The following ZBTB40 variants were observed in gnomAD, a reference collection of about 807,000 sequenced individuals.
ZBTB40 encodes the protein zinc finger and BTB domain-containing protein 40.
A neutral mutation model predicts 117.5 loss-of-function variants in ZBTB40; 60 were observed. That is an observed-to-expected ratio of 0.51 (90% CI 0.41 to 0.63). The LOEUF (loss-of-function observed/expected upper bound fraction) is 0.63, where lower values mean the gene tolerates loss of function less well. Among genes scored for constraint, ZBTB40 ranks in the 30% least tolerant of loss-of-function variants. ZBTB40 has a pLI of 0.00. For missense variants in ZBTB40, 1,287 were observed against 1,498.5 expected (o/e 0.86, Z 2.33); for synonymous variants, 525 against 577.1 (o/e 0.91, Z 1.29).
In ZBTB40 at chr1:22,528,529, C is replaced by T. The variant is rs911667547; in HGVS notation, c.*2133C>T. 5.3e-5 allele frequency: 8 copies of T among 152,210 alleles called. No homozygotes were observed. The highest frequency in any genetic ancestry group is 1.2e-4 in the Non-Finnish European group (8 of 68,022). 9.4% of individuals were successfully genotyped at this position (152,210 alleles called of 1,614,324 possible). A position where few individuals can be genotyped will look rare whatever the true frequency, so the allele number is the denominator to read the frequency against. On this transcript the variant is annotated 3_prime_UTR_variant, in exon 18 of 18. Transcript: ENST00000375647. ...CCTTTCAAGCACTGAGAAATTCTTT[C>T]TCAGGTTTCTTTTTTTGGGGGAGAC...
chr1:22,481,052 G>A (rs181086777), intron 1 of ZBTB40, among the ~76,000 whole-genome samples: 29 of 152,226 alleles, frequency 1.9e-4, no homozygotes, highest in African/African-American at 5.8e-4. Flanking sequence ...TGAAACCCCT[G>A]TAGGCCACCA....
Position 22,501,984 on chromosome 1 carries a change from C to T in ZBTB40, c.1024+300C>T, listed in dbSNP as rs373388319. 7.1e-4 allele frequency among the ~76,000 whole-genome samples: 108 copies of T among 152,290 alleles called. 2 individuals carry two copies. In the South Asian group the frequency reaches 0.02, roughly 28 times the overall value. On this transcript the variant is annotated intron_variant, in intron 4 of 17. Transcript: ENST00000375647. ...CTTGAGTACCCAGGTTGGACTGGTT[C>T]GCTGACAGCACTTTAAGGCTGAAGT...
chr1:22,441,764 T>C (rs1306251872), intron 1 of ZBTB40, among the ~76,000 whole-genome samples: 1 of 152,182 alleles, frequency 6.6e-6, no homozygotes, highest in Non-Finnish European at 1.5e-5. Flanking sequence ...ATTACAGACA[T>C]GAGCCACTGT....
At chr1:22,489,180 G>C (rs575510508) in intron 1 of ZBTB40, among the ~76,000 whole-genome samples, 13 of 152,290 alleles carry the variant, frequency 8.5e-5, no homozygotes, top group African/African-American at 3.1e-4. Flanking sequence ...GGCTGAGCCA[G>C]AGACATAAAT....
intron 1 of ZBTB40, among the ~76,000 whole-genome samples, chr1:22,482,942 G>A (rs917382009): frequency 1.2e-4 from 19 of 152,058 alleles, no homozygotes; most frequent in African/African-American, 4.6e-4. Context: ...AGCCAGGCGT[G>A]GTGGCGGGCG....
rs527959299 is a variant in ZBTB40, at chr1:22,520,372, T to C, written c.3048+97T>C. ...CCGGGTTGGTGGCTTGCAGATCATA[T>C]CTTGTATCCAGGATGTGACAATTGG... On this transcript the variant is annotated intron_variant, in intron 14 of 17. Transcript: ENST00000375647. 20 of 957,266 alleles carry C rather than the reference T, an allele frequency of 2.1e-5. 1 individual carries two copies. In the South Asian group the frequency reaches 2.7e-4, roughly 13 times the overall value. 59.3% of individuals were successfully genotyped at this position (957,266 alleles called of 1,614,324 possible). A position where few individuals can be genotyped will look rare whatever the true frequency, so the allele number is the denominator to read the frequency against.
intron 1 of ZBTB40, among the ~76,000 whole-genome samples, chr1:22,468,506 C>T (rs143282779): frequency 0.012 from 1,187 of 101,906 alleles, 12 homozygotes; most frequent in African/African-American, 0.043. Flanking sequence ...GACAGGATGT[C>T]GCTCTGTTGC....
At chr1:22,494,532 C>T (rs567020494) in intron 3 of ZBTB40, among the ~76,000 whole-genome samples, 1 of 152,306 alleles carries the variant, frequency 6.6e-6, no homozygotes, top group South Asian at 2.1e-4. Flanking sequence ...CAGGCTCCCC[C>T]ATGGGTTGCT....
chr1:22,487,443 C>T (rs1286781676), intron 1 of ZBTB40, among the ~76,000 whole-genome samples: 1 of 152,130 alleles, frequency 6.6e-6, no homozygotes, highest in Admixed American at 6.5e-5. Flanking sequence ...ATAAGATCCT[C>T]AAACCCAAAA....
chr1:22,469,580 G>A (rs535400177), intron 1 of ZBTB40, among the ~76,000 whole-genome samples: 2 of 151,642 alleles, frequency 1.3e-5, no homozygotes, highest in East Asian at 3.9e-4. Flanking sequence ...TTTATGAGAC[G>A]GAGTCTTACT....
At chr1:22,445,658 C>A (rs558670104) in intron 1 of ZBTB40, among the ~76,000 whole-genome samples, 99 of 152,210 alleles carry the variant, frequency 6.5e-4, no homozygotes, top group Admixed American at 6.5e-3. Context: ...GAGTTCAAGA[C>A]CAGCCTGGCC....
At chr1:22,436,226 C>T (rs377384583) in intron 1 of ZBTB40, among the ~76,000 whole-genome samples, 1 of 152,244 alleles carries the variant, frequency 6.6e-6, no homozygotes, top group East Asian at 1.9e-4. Flanking sequence ...TAAATAAATA[C>T]TCATGCCGGA....
Position 22,490,050 on chromosome 1 carries a change from C to T in ZBTB40, c.102C>T (p.Tyr34=). The T allele has an allele frequency of 6.2e-7, 1 of 1,614,040 alleles. No homozygotes were observed. The highest frequency in any genetic ancestry group is 8.5e-7 in the Non-Finnish European group (1 of 1,179,980). Residue 34 remains tyrosine, a synonymous_variant, in exon 2 of 18, where the codon TAC becomes TAT. Coordinates refer to ENST00000375647, the MANE Select transcript of ZBTB40 (RefSeq NM_014870.4). ...GCACCATCTCCATTGGTACCATTTA[C>T]TTCAGGGCTCACAAGCTTGTCCTGG... ...CDCTISIGTI[Y]FRAHKLVLAA... is the part of the protein sequence containing the mutation.
chr1:22,526,271 G>A lies in ZBTB40; in HGVS notation c.3595G>A (p.Gly1199Arg), dbSNP rs149025178. Residue 1199 changes from glycine (G) to arginine (R), a missense_variant, in exon 18 of 18, where the codon GGG (glycine) becomes AGG (arginine). By Grantham distance (125) the Gly-to-Arg change is moderately radical (BLOSUM62 -2). Around this residue, in one of 2 missense-constraint regions of ZBTB40, gnomAD observed 417 missense variants for 564.1 expected, o/e 0.74. Transcript: ENST00000375647. ...CACTTTGGAGGAGACCCAGCTTGCC[G>A]GGTCGCAGGTGTTTGTGACGTTGCC... ...VITLEETQLA[G>R]SQVFVTLPDS... 95 of 1,614,088 alleles carry A rather than the reference G, an allele frequency of 5.9e-5. No homozygotes were observed. Among genetic ancestry groups the A allele is most frequent in the Non-Finnish European group, 6.7e-5 (79 of 1,180,054 alleles).
At chr1:22,431,671 G>A (rs549542933) in intron 1 of ZBTB40, among the ~76,000 whole-genome samples, 36 of 152,036 alleles carry the variant, frequency 2.4e-4, no homozygotes, top group African/African-American at 8.2e-4. Flanking sequence ...TGGAGACAGA[G>A]GTTGCAGTGA....
rs1557502149 is a variant in ZBTB40 at position 22,490,110 on chromosome 1, T to A, written c.162T>A (p.Asp54Glu). ...AASLLFKTLLDNTDTISIDAS... is the reference protein window; with the variant it reads ...AASLLFKTLLENTDTISIDAS... The stretch of plus-strand genomic sequence containing the variant: ...GCCTCCTGTTCAAAACCCTGCTGGA[T>A]AACACAGATACCATCTCCATCGATG... The change falls in exon 2 of 18, where the codon GAT becomes GAA. Residue 54 changes from aspartate to glutamate, a missense_variant. By Grantham distance (45) the Asp-to-Glu change is conservative. Transcript: ENST00000375647. 1.2e-6 allele frequency: 2 copies of A among 1,614,082 alleles called. No homozygotes were observed. Among genetic ancestry groups the A allele is most frequent in the Non-Finnish European group, 1.7e-6 (2 of 1,180,048 alleles).
At chr1:22,507,865 C>T in intron 6 of ZBTB40, 136 bp from the exon 7 acceptor site, 1 of 1,313,802 alleles carries the variant, frequency 7.6e-7, no homozygotes, top group South Asian at 1.2e-5. Flanking sequence ...TGTATGAGGC[C>T]CCAAGCCAGG....
chr1:22,458,227 G>T (rs1293633120), intron 1 of ZBTB40, among the ~76,000 whole-genome samples: 1 of 152,140 alleles, frequency 6.6e-6, no homozygotes, highest in African/African-American at 2.4e-5. Flanking sequence ...GTTACCAGTG[G>T]TCTTTATAAA....
intron 1 of ZBTB40, among the ~76,000 whole-genome samples, chr1:22,460,949 T>C (rs1419222334): frequency 1.3e-5 from 2 of 152,200 alleles, no homozygotes; most frequent in African/African-American, 2.4e-5. Flanking sequence ...TCTCATGTGC[T>C]CTTCTCACTC....
Sources: allele counts gnomAD v4.1 joint callset (sites outside exome capture counted in the v4.1 genomes callset), GRCh38; gene constraint gnomAD v4.1.1; regional missense constraint gnomAD v4.1.1; transcripts MANE v1.5; gene names NCBI Gene and HGNC (gene_info 2026-07-23, HGNC 2026-07-21).